Variants in LRIG3 observed in about 807,000 individuals in gnomAD.
The protein encoded by LRIG3 is leucine-rich repeats and immunoglobulin-like domains protein 3.
In LRIG3, 76 loss-of-function variants were observed where a neutral mutation model predicts 114.5. The ratio of observed to expected loss-of-function variants is 0.66; its 90% CI spans 0.55 to 0.80. LRIG3 has a LOEUF of 0.80. Among genes scored for constraint, LRIG3 ranks in the 30% least tolerant of loss-of-function variants. LRIG3 has a pLI of 0.00. For missense variants in LRIG3, 1,239 were observed against 1,382.8 expected (o/e 0.90, Z 1.65); for synonymous variants, 512 against 519.8 (o/e 0.98, Z 0.20).
intron 3 of LRIG3, among the ~76,000 whole-genome samples, chr12:58,893,153 T>G (rs1871513307): frequency 6.6e-6 from 1 of 152,146 alleles, no homozygotes; most frequent in African/African-American, 2.4e-5. Context: ...CGACTTTCTG[T>G]CAGGTGCCAC....
rs1301892375 is a variant in LRIG3, at chr12:58,883,565, G to A, written c.1271C>T (p.Ser424Phe). 2 of 1,551,362 alleles carry A rather than the reference G, an allele frequency of 1.3e-6. No individual in the cohort carries two copies. The highest frequency in any genetic ancestry group is 1.7e-5 in the Admixed American group (1 of 58,978). ...HLDLSDNAIM[S>F]LQGNAFSQMK... ...TTGTGAAAATGCATTGCCTTGTAAAGACATGATTGCGTTGTCACTCAGGTC... is the reference window on the plus strand; with the variant it reads ...TTGTGAAAATGCATTGCCTTGTAAAAACATGATTGCGTTGTCACTCAGGTC... Residue 424 changes from serine to phenylalanine, a missense_variant, in exon 11 of 19, where the codon TCT becomes TTT. Coordinates refer to ENST00000320743, the MANE Select transcript of LRIG3 (RefSeq NM_153377.5).
intron 1 of LRIG3, among the ~76,000 whole-genome samples, chr12:58,918,365 T>C (rs1229259436): frequency 6.6e-6 from 1 of 152,212 alleles, no homozygotes; most frequent in Non-Finnish European, 1.5e-5. Context: ...CGAACCCCTT[T>C]TGGTTCAACT....
In LRIG3 at chr12:58,914,271, C is replaced by T. The variant is rs200911811; in HGVS notation, c.302G>A (p.Arg101Gln). 303 of 1,613,780 alleles carry T rather than the reference C, an allele frequency of 1.9e-4. 1 individual carries two copies. The East Asian group carries it at 5.6e-3, about 30-fold the overall frequency. The change falls in exon 2 of 19, where the codon CGA (arginine) becomes CAA (glutamine). Residue 101 changes from arginine to glutamine, a missense_variant. Physicochemically the swap from Arg to Gln is conservative, Grantham distance 43. Transcript: ENST00000320743. ...CAAAATAACGAAGACTCACACTTCT[C>T]GAAGGCTTTGAAGGTGGCTCATGGA... is the stretch of plus-strand genomic sequence containing the variant. ...ASSMSHLQSL[R>Q]EVKLNNNELE...
At chr12:58,919,447 C>CAAGCAGAGGGAGA in intron 1 of LRIG3, 1 of 1,551,570 alleles carries the variant, frequency 6.4e-7, no homozygotes, top group Non-Finnish European at 8.7e-7. Context: ...TGTGAAAAAG[C>CAAGCAGAGGGAGA]AAGCAGAGGG....
At chr12:58,907,119 GC>G (rs912832059) in intron 3 of LRIG3, among the ~76,000 whole-genome samples, 62 of 152,190 alleles carry the variant, frequency 4.1e-4, no homozygotes, top group African/African-American at 1.4e-3. Context: ...GCTGGTACAT[GC>G]CCAGGCATCT....
At chr12:58,912,824 GCA>G (rs1872335965) in intron 3 of LRIG3, among the ~76,000 whole-genome samples, 1 of 152,192 alleles carries the variant, frequency 6.6e-6, no homozygotes, top group Non-Finnish European at 1.5e-5. Flanking sequence ...AAAATTTTAA[GCA>G]ATTGTAAAAG....
intron 1 of LRIG3, among the ~76,000 whole-genome samples, chr12:58,915,898 A>T (rs1872463259): frequency 6.6e-6 from 1 of 152,204 alleles, no homozygotes; most frequent in Non-Finnish European, 1.5e-5. Flanking sequence ...CAAGGAAAAG[A>T]GTCTTTCACC....
chr12:58,896,652 T>C (rs1386802501), intron 3 of LRIG3, among the ~76,000 whole-genome samples: 3 of 152,218 alleles, frequency 2.0e-5, no homozygotes, highest in South Asian at 2.1e-4. Flanking sequence ...ATGTGTGCAC[T>C]GAAATTTAAT....
At chr12:58,905,123 T>A (rs1872011973) in intron 3 of LRIG3, among the ~76,000 whole-genome samples, 1 of 152,308 alleles carries the variant, frequency 6.6e-6, no homozygotes, top group Middle Eastern at 3.4e-3. Context: ...GCCAACAGGA[T>A]GCAGATCATG....
chr12:58,902,637 T>C (rs1211392821), intron 3 of LRIG3, among the ~76,000 whole-genome samples: 1 of 150,916 alleles, frequency 6.6e-6, no homozygotes, highest in Non-Finnish European at 1.5e-5. Flanking sequence ...GCTACATATA[T>C]ATACATGTGC....
rs187165253 is a variant in LRIG3 at position 58,906,686 on chromosome 12, C to T, written c.383+7296G>A. 5.9e-5 allele frequency among the ~76,000 whole-genome samples: 9 copies of T among 152,226 alleles called. No homozygotes were observed. In the East Asian group the frequency reaches 1.7e-3, roughly 30 times the overall value. ...GCCAACGCTCCTATGACTCCCACCTCGTGGCCAGTTTCCCTTTGTGAGAAA... is the reference window on the plus strand; with the variant it reads ...GCCAACGCTCCTATGACTCCCACCTTGTGGCCAGTTTCCCTTTGTGAGAAA... On this transcript the variant is annotated intron_variant, in intron 3 of 18. Transcript: ENST00000320743.
chr12:58,913,741 G>A (rs913606224), intron 3 of LRIG3: 9 of 440,426 alleles, frequency 2.0e-5, no homozygotes, highest in Middle Eastern at 6.1e-4. Context: ...TTTGAATCTC[G>A]AAGACCAGTT....
At position 58,885,912 on chromosome 12, in the gene LRIG3, A is replaced by C; in HGVS notation, c.1173-10T>G. Reference sequence around the variant, plus strand: ...ATTTCCTTGGAGTATCCTGGGGAAAAAAATTACATTGGAGCACTTAATTTA... The same window carrying C: ...ATTTCCTTGGAGTATCCTGGGGAAACAAATTACATTGGAGCACTTAATTTA... On this transcript the variant is annotated splice_polypyrimidine_tract_variant and intron_variant, in intron 9 of 18. Transcript: ENST00000320743. 6.4e-7 allele frequency: 1 copy of C among 1,567,102 alleles called. No homozygotes were observed. The highest frequency in any genetic ancestry group is 1.4e-5 in the African/African-American group (1 of 73,594).
intron 3 of LRIG3, among the ~76,000 whole-genome samples, chr12:58,904,041 C>T (rs552285340): frequency 6.6e-5 from 10 of 152,050 alleles, no homozygotes; most frequent in South Asian, 4.2e-4. Flanking sequence ...ATTGACTTGG[C>T]GATGCGGGCT....
At position 58,883,040 on chromosome 12, in the gene LRIG3, G is replaced by T. The variant is rs1464558615; in HGVS notation, c.1317-8C>A. On this transcript the variant is annotated splice_polypyrimidine_tract_variant and splice_region_variant and intron_variant, in intron 11 of 18. Transcript: ENST00000320743. The stretch of plus-strand genomic sequence containing the variant: ...CTTGATGTATTTAAATGCCTGAGGA[G>T]AGTAATTACATTCAATTTGTTCTGT... 1 of 1,597,884 alleles carries T rather than the reference G, an allele frequency of 6.3e-7. No homozygotes were observed. Among genetic ancestry groups the T allele is most frequent in the South Asian group, 1.1e-5 (1 of 88,900 alleles).
At chr12:58,882,825 A>G in intron 12 of LRIG3, 44 bp downstream of exon 12, 5 of 1,536,934 alleles carry the variant, frequency 3.3e-6, no homozygotes, top group Non-Finnish European at 4.4e-6. Flanking sequence ...GGGAGGGGGA[A>G]AAAAGAAGAA....
chr12:58,888,592 T>TA (rs2120909631), intron 6 of LRIG3, 120 bp from the exon 7 acceptor site: 2 of 1,386,018 alleles, frequency 1.4e-6, no homozygotes, highest in Non-Finnish European at 9.7e-7. Flanking sequence ...TAGCTTTTGT[T>TA]ATATGAAGAC....
In LRIG3 at chr12:58,887,809, C is replaced by T. The variant is rs772263853; in HGVS notation, c.1071G>A (p.Gly357=). 5 of 1,613,460 alleles carry T rather than the reference C, an allele frequency of 3.1e-6. 1 individual carries two copies. The highest frequency in any genetic ancestry group is 2.2e-5 in the South Asian group (2 of 90,986). Residue 357 remains glycine (G), a synonymous_variant, in exon 8 of 19, where the codon GGG becomes GGA. Transcript: ENST00000320743. ...CTTACAAAGTCTTTAAACTGGAAAG[C>T]CCCCGGAAGGCACAATCAGCAATGT... is the stretch of plus-strand genomic sequence containing the variant. ...VSYIADCAFR[G]LSSLKTLDLK...
chr12:58,913,885 C>A (rs1872374994), intron 3 of LRIG3, 97 bp downstream of exon 3: 2 of 1,063,310 alleles, frequency 1.9e-6, no homozygotes, highest in Non-Finnish European at 1.4e-6. Flanking sequence ...AAAAATATTC[C>A]ATTTTTTTCT....
Sources: allele counts gnomAD v4.1 joint callset (sites outside exome capture counted in the v4.1 genomes callset), GRCh38; gene constraint gnomAD v4.1.1; transcripts MANE v1.5; gene names NCBI Gene and HGNC (gene_info 2026-07-23, HGNC 2026-07-21).